Variants in MCPH1 observed in about 807,000 individuals in gnomAD.
MCPH1 encodes the protein microcephalin.
Under a neutral mutation model 84.5 loss-of-function variants are expected in MCPH1, and 104 were observed. The observed-to-expected ratio is 1.23, with a 90% confidence interval of 1.05 to 1.45. MCPH1 has a LOEUF of 1.45. Ranked by LOEUF, MCPH1 falls within the 40% of genes most tolerant of loss-of-function variation. The pLI is 0.00. For missense variants in MCPH1, 1,498 were observed against 1,005.7 expected (o/e 1.49, Z -6.62); for synonymous variants, 514 against 366.8 (o/e 1.40, Z -4.58).
intron 12 of MCPH1, among the ~76,000 whole-genome samples, chr8:6,543,914 A>G (rs1255636447): frequency 6.6e-6 from 1 of 152,126 alleles, no homozygotes; most frequent in African/African-American, 2.4e-5. Flanking sequence ...TATAACTCAC[A>G]TTAGAAACAC....
At chr8:6,422,486 C>G (rs1800357314) in intron 3 of MCPH1, among the ~76,000 whole-genome samples, 1 of 152,128 alleles carries the variant, frequency 6.6e-6, no homozygotes, top group African/African-American at 2.4e-5. Context: ...GGCCTCTCAG[C>G]TAACCCTACA....
chr8:6,535,526 C>G (rs544509527), intron 12 of MCPH1, among the ~76,000 whole-genome samples: 7 of 152,164 alleles, frequency 4.6e-5, no homozygotes, highest in Non-Finnish European at 8.8e-5. Context: ...TTATGTTAAT[C>G]TTACATAAAA....
chr8:6,513,384 G>C (rs943287923), intron 12 of MCPH1, among the ~76,000 whole-genome samples: 4 of 147,268 alleles, frequency 2.7e-5, no homozygotes, highest in Non-Finnish European at 5.9e-5. Flanking sequence ...CCAGGTTGCA[G>C]TGCCGTGGCA....
At chr8:6,610,402 A>G (rs998876418) in intron 12 of MCPH1, among the ~76,000 whole-genome samples, 1 of 152,180 alleles carries the variant, frequency 6.6e-6, no homozygotes, top group Admixed American at 6.5e-5. Context: ...TCCTTTTATA[A>G]CTTACCTTAA....
intron 12 of MCPH1, among the ~76,000 whole-genome samples, chr8:6,565,796 C>T (rs930871790): frequency 6.6e-6 from 1 of 152,144 alleles, no homozygotes; most frequent in African/African-American, 2.4e-5. Flanking sequence ...AGAGAGCAGT[C>T]GGAGCACAAA....
chr8:6,541,478 G>C (rs551459923), intron 12 of MCPH1, among the ~76,000 whole-genome samples: 1 of 152,302 alleles, frequency 6.6e-6, no homozygotes, highest in East Asian at 1.9e-4. Flanking sequence ...GGCAGGCCTG[G>C]AGACAGGAAA....
intron 12 of MCPH1, among the ~76,000 whole-genome samples, chr8:6,613,649 ACCTGTGGATGT>A (rs945533711): frequency 6.6e-6 from 1 of 151,992 alleles, no homozygotes; most frequent in Admixed American, 6.6e-5. Flanking sequence ...TGGAAGGGGC[ACCTGTGGATGT>A]CCTGAGACTT....
Position 6,647,562 on chromosome 8 carries a change from G to A in MCPH1, c.*4513G>A, listed in dbSNP as rs945814332. The stretch of plus-strand genomic sequence containing the variant: ...AAACAAAATGTATATCCACACCATG[G>A]AACGCTACTCAGCAAACTTCTAAAA... On this transcript the variant is annotated 3_prime_UTR_variant, in exon 14 of 14. Coordinates refer to ENST00000344683, the MANE Select transcript of MCPH1 (RefSeq NM_024596.5). 1 of 152,146 alleles carries A rather than the reference G, an allele frequency of 6.6e-6. No individual in the cohort carries two copies. Among genetic ancestry groups the A allele is most frequent in the Non-Finnish European group, 1.5e-5 (1 of 68,032 alleles). The allele number at this position is 152,146 out of a possible 1,614,324, so 9.4% of individuals were successfully genotyped here.
intron 9 of MCPH1, among the ~76,000 whole-genome samples, chr8:6,476,882 C>A (rs1808533544): frequency 6.6e-6 from 1 of 152,160 alleles, no homozygotes; most frequent in Non-Finnish European, 1.5e-5. Flanking sequence ...TACACACACA[C>A]TCCTATAGAG....
chr8:6,559,675 G>C (rs1054579717), intron 12 of MCPH1, among the ~76,000 whole-genome samples: 11 of 151,352 alleles, frequency 7.3e-5, no homozygotes, highest in Non-Finnish European at 1.3e-4. Flanking sequence ...CCTCTTATCA[G>C]AAAAAAAAAT....
At chr8:6,449,351 C>A (rs546203081) in intron 8 of MCPH1, among the ~76,000 whole-genome samples, 3 of 152,092 alleles carry the variant, frequency 2.0e-5, no homozygotes, top group Non-Finnish European at 4.4e-5. Context: ...TAGGAAATTC[C>A]GGCCAGGTGT....
chr8:6,500,179 C>A, intron 12 of MCPH1: 1 of 484,928 alleles, frequency 2.1e-6, no homozygotes, highest in African/African-American at 1.9e-5. Context: ...ATCCTCAGAA[C>A]TGAGAAAAAC....
At chr8:6,550,626 T>G (rs984957941) in intron 12 of MCPH1, among the ~76,000 whole-genome samples, 22 of 152,222 alleles carry the variant, frequency 1.4e-4, no homozygotes, top group South Asian at 4.1e-4. Context: ...TGGTGAAGTC[T>G]GTCGGCCCTC....
At chr8:6,528,244 G>T (rs1337174175) in intron 12 of MCPH1, among the ~76,000 whole-genome samples, 1 of 152,154 alleles carries the variant, frequency 6.6e-6, no homozygotes, top group African/African-American at 2.4e-5. Flanking sequence ...GGACAATGGG[G>T]TCTGTGCCAA....
At chr8:6,561,451 G>C (rs1044728976) in intron 12 of MCPH1, among the ~76,000 whole-genome samples, 1 of 152,188 alleles carries the variant, frequency 6.6e-6, no homozygotes, top group African/African-American at 2.4e-5. Context: ...AGGTAATGAG[G>C]AGCACCGATT....
At chr8:6,522,320 A>G (rs529395618) in intron 12 of MCPH1, among the ~76,000 whole-genome samples, 1 of 152,022 alleles carries the variant, frequency 6.6e-6, no homozygotes, top group East Asian at 1.9e-4. Flanking sequence ...ATGCCACTGC[A>G]CTCCAGCCTG....
intron 4 of MCPH1, among the ~76,000 whole-genome samples, chr8:6,432,665 AGAG>A (rs1802016790): frequency 1.3e-5 from 2 of 152,370 alleles, no homozygotes; most frequent in Non-Finnish European, 2.9e-5. Context: ...CCTGTAGACT[AGAG>A]GAGAAATAAC....
chr8:6,602,683 T>G (rs923370795), intron 12 of MCPH1, among the ~76,000 whole-genome samples: 2 of 152,142 alleles, frequency 1.3e-5, no homozygotes, highest in Non-Finnish European at 2.9e-5. Context: ...CCTTGTTGTT[T>G]ACAAGCTCCA....
chr8:6,473,843 C>G (rs189967093), intron 9 of MCPH1: 186 of 1,419,740 alleles, frequency 1.3e-4, no homozygotes, highest in African/African-American at 3.2e-4. Flanking sequence ...CCTTATAAGT[C>G]AAGAGTTATA....
Sources: gnomAD v4.1 joint callset for allele counts (sites outside exome capture counted in the v4.1 genomes callset) on GRCh38, gnomAD v4.1.1 for gene constraint, MANE v1.5 for transcripts, NCBI Gene and HGNC (gene_info 2026-07-23, HGNC 2026-07-21) for gene names.